SPOCK3: variants seen among roughly 807,000 people sequenced by gnomAD.
The protein encoded by SPOCK3 is testican-3.
SPOCK3 carries 30 observed loss-of-function variants against 56.6 expected under a neutral mutation model. The ratio of observed to expected loss-of-function variants is 0.53; its 90% confidence interval spans 0.40 to 0.72. SPOCK3 has a LOEUF of 0.72. Ranked by LOEUF, SPOCK3 falls within the 30% of genes least tolerant of loss-of-function variation. SPOCK3 has a pLI of 0.00. For synonymous variants in SPOCK3, 196 were observed against 183.3 expected (o/e 1.07, Z -0.56); for missense variants, 527 against 530.0 (o/e 0.99, Z 0.06).
chr4:166,863,718 G>A (rs985614433), intron 6 of SPOCK3, among the ~76,000 whole-genome samples: 1 of 152,044 alleles, frequency 6.6e-6, no homozygotes, highest in African/African-American at 2.4e-5. Flanking sequence ...AGGGATCAAT[G>A]CAACAAGAAG....
chr4:167,225,658 A>G (rs555712403), intron 2 of SPOCK3, among the ~76,000 whole-genome samples: 4 of 152,284 alleles, frequency 2.6e-5, no homozygotes, highest in African/African-American at 7.2e-5. Flanking sequence ...GAAGATGGAA[A>G]AACTCAAGGA....
chr4:166,805,647 A>G (rs571116068), intron 6 of SPOCK3, among the ~76,000 whole-genome samples: 1 of 152,252 alleles, frequency 6.6e-6, no homozygotes, highest in East Asian at 1.9e-4. Context: ...TTACTTCTGC[A>G]TAATATTGAT....
intron 6 of SPOCK3, among the ~76,000 whole-genome samples, chr4:166,793,903 C>T (rs1405864985): frequency 6.6e-6 from 1 of 152,012 alleles, no homozygotes; most frequent in African/African-American, 2.4e-5. Context: ...CCCCAGGATG[C>T]TAGTACAATA....
intron 2 of SPOCK3, among the ~76,000 whole-genome samples, chr4:167,143,761 T>G (rs1763716905): frequency 6.6e-6 from 1 of 151,994 alleles, no homozygotes; most frequent in Admixed American, 6.6e-5. Flanking sequence ...ACCACCTCAC[T>G]GCTCCAAAAG....
chr4:166,981,485 G>A (rs745480688), intron 4 of SPOCK3, among the ~76,000 whole-genome samples: 44 of 152,258 alleles, frequency 2.9e-4, no homozygotes, highest in East Asian at 1.2e-3. Flanking sequence ...GAGACTCTAC[G>A]TGGGTAGCTC....
intron 9 of SPOCK3, among the ~76,000 whole-genome samples, chr4:166,740,347 T>C (rs985556961): frequency 6.6e-6 from 1 of 151,680 alleles, no homozygotes; most frequent in Admixed American, 6.6e-5. Flanking sequence ...TATTTTTTTA[T>C]ACCTTCAAAT....
At chr4:166,981,918 A>G (rs892854616) in intron 4 of SPOCK3, among the ~76,000 whole-genome samples, 4 of 152,134 alleles carry the variant, frequency 2.6e-5, no homozygotes, top group African/African-American at 7.2e-5. Context: ...CAGCTCACAC[A>G]CGCTCTGCAA....
intron 2 of SPOCK3, among the ~76,000 whole-genome samples, chr4:167,211,518 C>T (rs970453537): frequency 2.6e-5 from 4 of 152,114 alleles, no homozygotes; most frequent in Non-Finnish European, 5.9e-5. Flanking sequence ...TGGGAGGGAC[C>T]CTCTATGAGG....
At chr4:166,949,868 T>A (rs1742302940) in intron 4 of SPOCK3, among the ~76,000 whole-genome samples, 1 of 151,840 alleles carries the variant, frequency 6.6e-6, no homozygotes, top group South Asian at 2.1e-4. Context: ...TAAAATACTT[T>A]ACAGACAAGC....
chr4:167,100,513 TTC>T (rs1759552196), intron 2 of SPOCK3, among the ~76,000 whole-genome samples: 1 of 150,380 alleles, frequency 6.6e-6, no homozygotes, highest in Non-Finnish European at 1.5e-5. Context: ...ACAACCCTCA[TTC>T]TCTCTCAGAA....
At chr4:167,064,207 T>A (rs942163490) in intron 2 of SPOCK3, among the ~76,000 whole-genome samples, 2 of 151,880 alleles carry the variant, frequency 1.3e-5, no homozygotes, top group Non-Finnish European at 2.9e-5. Flanking sequence ...AATTTCAAAT[T>A]TTTTAAAAAA....
chr4:167,057,382 C>T (rs1220183637), intron 3 of SPOCK3, among the ~76,000 whole-genome samples: 6 of 152,110 alleles, frequency 3.9e-5, no homozygotes, highest in Admixed American at 6.5e-5. Context: ...CATCAACTAA[C>T]GAGCAAAATA....
At chr4:166,930,501 A>G (rs1739625023) in intron 4 of SPOCK3, among the ~76,000 whole-genome samples, 1 of 151,624 alleles carries the variant, frequency 6.6e-6, no homozygotes, top group African/African-American at 2.4e-5. Flanking sequence ...AAAAAAAAAG[A>G]CAATGATAGT....
chr4:167,077,975 A>G (rs1321239525), intron 2 of SPOCK3, among the ~76,000 whole-genome samples: 1 of 151,926 alleles, frequency 6.6e-6, no homozygotes, highest in Non-Finnish European at 1.5e-5. Context: ...TAACCACTGG[A>G]AGATGAAAAT....
At chr4:167,217,917 T>TAA (rs35737044) in intron 2 of SPOCK3, among the ~76,000 whole-genome samples, 4 of 145,694 alleles carry the variant, frequency 2.7e-5, no homozygotes, top group African/African-American at 9.9e-5. Flanking sequence ...TTCATTAAAG[T>TAA]AAAAAAAAAA....
At chr4:167,200,195 G>A (rs1425152893) in intron 2 of SPOCK3, among the ~76,000 whole-genome samples, 1 of 151,802 alleles carries the variant, frequency 6.6e-6, no homozygotes, top group Non-Finnish European at 1.5e-5. Flanking sequence ...AATATGAAGG[G>A]GATTCATTTA....
At chr4:167,223,110 TAATA>T (rs1311819576) in intron 2 of SPOCK3, among the ~76,000 whole-genome samples, 1 of 88,786 alleles carries the variant, frequency 1.1e-5, no homozygotes, top group African/African-American at 6.2e-5. Flanking sequence ...TATGAATATA[TAATA>T]TATATTTTAT....
At chr4:167,068,613 T>G (rs1001597362) in intron 2 of SPOCK3, among the ~76,000 whole-genome samples, 1 of 151,894 alleles carries the variant, frequency 6.6e-6, no homozygotes, top group Admixed American at 6.6e-5. Context: ...GATCATTCCA[T>G]TGTGACCCCT....
chr4:166,752,603 CACACACACACAT>C (rs1560821085), intron 8 of SPOCK3, among the ~76,000 whole-genome samples: 11 of 129,562 alleles, frequency 8.5e-5, no homozygotes, highest in East Asian at 2.2e-4. Flanking sequence ...CACACACACA[CACACACACACAT>C]ATATTTATAG....
Sources: allele counts gnomAD v4.1 joint callset (sites outside exome capture counted in the v4.1 genomes callset), GRCh38; gene constraint gnomAD v4.1.1; transcripts MANE v1.5; gene names NCBI Gene and HGNC (gene_info 2026-07-23, HGNC 2026-07-21).